The following THAP12 variants were observed in gnomAD, a reference collection of about 807,000 sequenced individuals.
THAP12 encodes the protein 52 kDa repressor of the inhibitor of the protein kinase.
In THAP12, 20 loss-of-function variants were observed where a neutral mutation model predicts 63.0. That is an observed-to-expected ratio of 0.32 (90% CI 0.22 to 0.46). The LOEUF (loss-of-function observed/expected upper bound fraction) is 0.46, where lower values mean the gene tolerates loss of function less well. Ranked by LOEUF, THAP12 falls within the 20% of genes least tolerant of loss-of-function variation. THAP12 has a pLI of 1.00. For synonymous variants in THAP12, 264 were observed against 328.4 expected (o/e 0.80, Z 2.12); for missense variants, 568 against 908.2 (o/e 0.63, Z 4.81).
At chr11:76,375,060 G>A (rs1384893246) in intron 1 of THAP12, among the ~76,000 whole-genome samples, 1 of 152,102 alleles carries the variant, frequency 6.6e-6, no homozygotes, top group East Asian at 1.9e-4. Flanking sequence ...CCTAGTCTAA[G>A]GTATTTTGTT....
chr11:76,365,992 A>G lies in THAP12; in HGVS notation c.90-20T>C, dbSNP rs373541644. The G allele has an allele frequency of 1.9e-6, 3 of 1,607,012 alleles. No homozygotes were observed. The African/African-American group carries it at 4.0e-5, about 22-fold the overall frequency. On this transcript the variant is annotated intron_variant, in intron 1 of 4. Coordinates refer to ENST00000260045, the MANE Select transcript of THAP12 (RefSeq NM_004705.4). ...TGGCATCTATAAATAAAACCAAAAT[A>G]CAATTATGAAAATGAGCTCAGCATT...
chr11:76,377,450 A>G (rs535800374), intron 1 of THAP12, among the ~76,000 whole-genome samples: 1 of 152,196 alleles, frequency 6.6e-6, no homozygotes, highest in African/African-American at 2.4e-5. Context: ...TATGCTTTCT[A>G]TCTCTATGGA....
Position 76,360,899 on chromosome 11 carries a change from A to G in THAP12, c.318+57T>C. 4 of 1,155,948 alleles carry G rather than the reference A, an allele frequency of 3.5e-6. No homozygotes were observed. In the South Asian group the frequency reaches 5.2e-5, roughly 15 times the overall value. 71.6% of individuals were successfully genotyped at this position (1,155,948 alleles called of 1,614,324 possible). A position where few individuals can be genotyped will look rare whatever the true frequency, so the allele number is the denominator to read the frequency against. ...TTAATTTTAACATAAATGCATCTGTATTTGATTTCATAGTATTATGGGGGA... is the reference window on the plus strand; with the variant it reads ...TTAATTTTAACATAAATGCATCTGTGTTTGATTTCATAGTATTATGGGGGA... On this transcript the variant is annotated intron_variant, in intron 3 of 4. Coordinates refer to ENST00000260045, the MANE Select transcript of THAP12 (RefSeq NM_004705.4).
In THAP12 at chr11:76,351,940, C is replaced by T. The variant is rs145514145; in HGVS notation, c.1210G>A (p.Val404Ile). 8.1e-6 allele frequency: 13 copies of T among 1,597,534 alleles called. No homozygotes were observed. The East Asian group carries it at 8.9e-5, about 11-fold the overall frequency. Residue 404 changes from valine (V) to isoleucine (I), a missense_variant, in exon 5 of 5, where the codon GTA becomes ATA. By Grantham distance (29) the Val-to-Ile change is conservative. Coordinates refer to ENST00000260045, the MANE Select transcript of THAP12 (RefSeq NM_004705.4). ...CTGTTCTGAAAAAGAACAGAAATTA[C>T]GTTGTCAAGTTCTAAAAGCAGTTGT... The part of the protein sequence containing the change: ...SPQLLLELDN[V>I]ISVLFQNSKE...
chr11:76,378,471 A>G (rs1232271592), intron 1 of THAP12, among the ~76,000 whole-genome samples: 1 of 152,206 alleles, frequency 6.6e-6, no homozygotes, highest in Non-Finnish European at 1.5e-5. Context: ...AAAGTCATGA[A>G]GATTTATCTG....
At chr11:76,373,756 T>C (rs1366651089) in intron 1 of THAP12, among the ~76,000 whole-genome samples, 1 of 152,098 alleles carries the variant, frequency 6.6e-6, no homozygotes, top group Non-Finnish European at 1.5e-5. Context: ...GCTCACATTT[T>C]AGAGCAGCAA....
In THAP12 at chr11:76,352,036, C is replaced by A; in HGVS notation, c.1114G>T (p.Val372Leu). 6.2e-7 allele frequency: 1 copy of A among 1,611,276 alleles called. No homozygotes were observed. The highest frequency in any genetic ancestry group is 8.5e-7 in the Non-Finnish European group (1 of 1,179,318). ...CALNMWLAKSVPVMGVSVALG... is the reference protein window; with the variant it reads ...CALNMWLAKSLPVMGVSVALG... ...GCAACAGATACTCCCATAACAGGTA[C>A]TGATTTTGCCAACCACATATTTAAG... Residue 372 changes from valine to leucine, a missense_variant, in exon 5 of 5, where the codon GTA (valine) becomes TTA (leucine). Transcript: ENST00000260045.
chr11:76,351,706 T>C lies in THAP12; in HGVS notation c.1444A>G (p.Thr482Ala), dbSNP rs1206956554. ...SAVSDFDFIVTIVVLKNVLSF... is the reference protein window; with the variant it reads ...SAVSDFDFIVAIVVLKNVLSF... ...AGGACATTTTTAAGAACAACAATAG[T>C]AACAATGAAATCAAAATCTGACACT... Residue 482 changes from threonine (T) to alanine (A), a missense_variant, in exon 5 of 5, where the codon ACT becomes GCT. Coordinates refer to ENST00000260045, the MANE Select transcript of THAP12 (RefSeq NM_004705.4). The C allele has an allele frequency of 6.2e-7, 1 of 1,603,424 alleles. No homozygotes were observed. Among genetic ancestry groups the C allele is most frequent in the African/African-American group, 1.3e-5 (1 of 74,344 alleles).
intron 1 of THAP12, among the ~76,000 whole-genome samples, chr11:76,370,511 C>T (rs1212532100): frequency 2.0e-5 from 3 of 151,882 alleles, no homozygotes; most frequent in Non-Finnish European, 4.4e-5. Flanking sequence ...TACAGGCACA[C>T]GCCACCATGC....
intron 2 of THAP12, among the ~76,000 whole-genome samples, 183 bp downstream of exon 2, chr11:76,365,669 C>T (rs572176662): frequency 6.6e-6 from 1 of 152,166 alleles, no homozygotes; most frequent in South Asian, 2.1e-4. Flanking sequence ...TTATAGGCCC[C>T]CGGCAAAATC....
intron 1 of THAP12, among the ~76,000 whole-genome samples, chr11:76,366,573 C>T (rs556614386): frequency 5.3e-5 from 8 of 151,970 alleles, no homozygotes; most frequent in East Asian, 1.9e-4. Flanking sequence ...CCCAGCTACT[C>T]GGGAGGCTGA....
chr11:76,375,070 T>A (rs564800515), intron 1 of THAP12, among the ~76,000 whole-genome samples: 1 of 152,344 alleles, frequency 6.6e-6, no homozygotes, highest in South Asian at 2.1e-4. Flanking sequence ...GGTATTTTGT[T>A]ATAACAGCCC....
intron 4 of THAP12, 87 bp downstream of exon 4, chr11:76,355,531 C>A: frequency 7.9e-7 from 1 of 1,264,412 alleles, no homozygotes; most frequent in South Asian, 1.5e-5. Flanking sequence ...GGTAGGTTTT[C>A]AACACAGAAC....
chr11:76,360,081 G>A (rs1161464681), intron 3 of THAP12, among the ~76,000 whole-genome samples: 3 of 152,090 alleles, frequency 2.0e-5, no homozygotes, highest in African/African-American at 7.2e-5. Context: ...GACCATGTTG[G>A]GAAAACAGTT....
chr11:76,373,828 T>A (rs1946690484), intron 1 of THAP12, among the ~76,000 whole-genome samples: 1 of 152,130 alleles, frequency 6.6e-6, no homozygotes, highest in Admixed American at 6.5e-5. Flanking sequence ...ACTCCAAAGA[T>A]CTTTTATGTG....
At position 76,350,143 on chromosome 11, in the gene THAP12, A is replaced by G. The variant is rs555608617; in HGVS notation, c.*721T>C. ...ATAAGAGTCATGGAAAAAGACAGAG[A>G]AAAAAAACAGACAAATCAGTTGTCA... On this transcript the variant is annotated 3_prime_UTR_variant, in exon 5 of 5. Coordinates refer to ENST00000260045, the MANE Select transcript of THAP12 (RefSeq NM_004705.4). 8 of 152,520 alleles carry G rather than the reference A, an allele frequency of 5.2e-5. No individual in the cohort carries two copies. Among genetic ancestry groups the G allele is most frequent in the East Asian group, 1.9e-4 (1 of 5,324 alleles). The allele number at this position is 152,520 out of a possible 1,614,324, so 9.4% of individuals were successfully genotyped here.
chr11:76,372,091 G>A (rs2618092), intron 1 of THAP12, among the ~76,000 whole-genome samples: 1 of 151,686 alleles, frequency 6.6e-6, no homozygotes, highest in South Asian at 2.1e-4. Flanking sequence ...GATTACAGGC[G>A]TGAGCCATCG....
chr11:76,357,071 T>C (rs1488427227), intron 3 of THAP12: 1 of 151,822 alleles, frequency 6.6e-6, no homozygotes, highest in East Asian at 1.9e-4. Context: ...AGGATGGTTG[T>C]GTCTATACTG....
At chr11:76,376,324 T>C (rs1946710007) in intron 1 of THAP12, among the ~76,000 whole-genome samples, 1 of 152,210 alleles carries the variant, frequency 6.6e-6, no homozygotes, top group Non-Finnish European at 1.5e-5. Context: ...AATTCATGAT[T>C]TGGTCTTGAA....
Sources: gnomAD v4.1 joint callset for allele counts (sites outside exome capture counted in the v4.1 genomes callset) on GRCh38, gnomAD v4.1.1 for gene constraint, MANE v1.5 for transcripts, NCBI Gene and HGNC (gene_info 2026-07-23, HGNC 2026-07-21) for gene names.